Variants in ERCC6 observed in about 807,000 individuals in gnomAD.
The protein encoded by ERCC6 is ERCC excision repair 6, chromatin remodeling factor.
In ERCC6, 116 loss-of-function variants were observed where a neutral mutation model predicts 158.7. The observed-to-expected ratio is 0.73, with a 90% CI of 0.63 to 0.85. ERCC6 has a LOEUF of 0.85. ERCC6 is among the 40% of genes least tolerant of loss of function. ERCC6 has a pLI of 0.00. For synonymous variants in ERCC6, 678 were observed against 659.3 expected (o/e 1.03, Z -0.43); for missense variants, 1,698 against 1,799.4 (o/e 0.94, Z 1.02).
At chr10:49,500,321 C>T (rs1851335389) in intron 7 of ERCC6, among the ~76,000 whole-genome samples, 1 of 151,976 alleles carries the variant, frequency 6.6e-6, no homozygotes, top group South Asian at 2.1e-4. Context: ...AGCATCAATG[C>T]CTGGAATTCA....
chr10:49,448,417 C>T, the ERCC6 span, among the ~76,000 whole-genome samples: 1 of 152,064 alleles, frequency 6.6e-6, no homozygotes, highest in African/African-American at 2.4e-5. Flanking sequence ...TTATCTTGCA[C>T]CTTATGTTAA....
chr10:49,502,292 T>C (rs1851369131), intron 6 of ERCC6: 1 of 152,184 alleles, frequency 6.6e-6, no homozygotes, highest in Non-Finnish European at 1.5e-5. Flanking sequence ...GCTTATTAAG[T>C]TTGCTAATTA....
chr10:49,532,581 G>A lies in ERCC6; in HGVS notation c.384C>T (p.Asp128=), dbSNP rs146165518. 90 of 1,614,058 alleles carry A rather than the reference G, an allele frequency of 5.6e-5. No individual in the cohort carries two copies. The African/African-American group carries it at 9.1e-4, about 16-fold the overall frequency. Residue 128 remains aspartate, a synonymous_variant, in exon 2 of 21, where the codon GAC becomes GAT. Coordinates refer to ENST00000355832, the MANE Select transcript of ERCC6 (RefSeq NM_000124.4). ...GGACCGACCGATACTCCTTCTCCACGTCAACGAGCTGGGAGGCACGGCTGG... is the reference window on the plus strand; with the variant it reads ...GGACCGACCGATACTCCTTCTCCACATCAACGAGCTGGGAGGCACGGCTGG... The part of the protein sequence containing the change: ...HEASRASQLV[D]VEKEYRSVLD...
chr10:49,441,750 G>A, the ERCC6 span, among the ~76,000 whole-genome samples: 2 of 152,234 alleles, frequency 1.3e-5, no homozygotes, highest in African/African-American at 4.8e-5. Context: ...CGCCAGCCCC[G>A]CTGTGCACAG....
intron 4 of ERCC6, among the ~76,000 whole-genome samples, chr10:49,526,917 T>C (rs1331836283): frequency 6.6e-6 from 1 of 152,082 alleles, no homozygotes; most frequent in African/African-American, 2.4e-5. Flanking sequence ...GCAAAAGCCA[T>C]GGGGAATAGA....
At chr10:49,518,783 G>A (rs1837062436) in intron 5 of ERCC6, among the ~76,000 whole-genome samples, 1 of 152,186 alleles carries the variant, frequency 6.6e-6, no homozygotes, top group Non-Finnish European at 1.5e-5. Context: ...GTGCTCAGGG[G>A]AAGGACAATG....
rs1248870490 is a variant in ERCC6, at chr10:49,470,378, CTCT to C, written c.3579_3581del (p.Glu1194del). The C allele has an allele frequency of 6.2e-6, 10 of 1,614,084 alleles. No homozygotes were observed. The highest frequency in any genetic ancestry group is 1.1e-5 in the South Asian group (1 of 91,086). ...TTGGTCTCAGATGTTTCTCCAGGGT[CTCT>C]TCTTCTGCCACACTATGATGTTTTG... On this transcript the variant is annotated inframe_deletion, in exon 18 of 21. Transcript: ENST00000355832.
At chr10:49,451,142 T>A (rs1850416041), downstream of ERCC6, among the ~76,000 whole-genome samples, 1 of 149,368 alleles carries the variant, frequency 6.7e-6, no homozygotes, top group Non-Finnish European at 1.5e-5. Flanking sequence ...TGTTGTATCC[T>A]CCCATCTTGC....
intron 5 of ERCC6, chr10:49,516,040 C>A: frequency 6.2e-7 from 1 of 1,614,120 alleles, no homozygotes; most frequent in Non-Finnish European, 8.5e-7. Context: ...TCAAGAAGTG[C>A]AATACTGGTG....
downstream of ERCC6, among the ~76,000 whole-genome samples, chr10:49,451,526 A>G (rs556501197): frequency 4.6e-5 from 7 of 152,306 alleles, no homozygotes; most frequent in South Asian, 1.0e-3. Flanking sequence ...CTATTTTTGC[A>G]TCAGTAGAGA....
At chr10:49,501,255 C>T (rs1474255693) in intron 6 of ERCC6, 1 of 155,004 alleles carries the variant, frequency 6.5e-6, no homozygotes, top group East Asian at 1.9e-4. Context: ...AATAGGTCTG[C>T]TCTCAAAATT....
intron 5 of ERCC6, chr10:49,515,155 T>C: frequency 1.5e-6 from 2 of 1,308,210 alleles, no homozygotes; most frequent in South Asian, 2.3e-5. Flanking sequence ...AATTTTTGCA[T>C]GAAATTCATA....
intron 6 of ERCC6, 128 bp from the exon 7 acceptor site, chr10:49,500,824 T>C (rs1404765961): frequency 1.0e-6 from 1 of 955,142 alleles, no homozygotes; most frequent in Admixed American, 2.0e-5. Context: ...ACATGCGGGA[T>C]GTGTGTTTTA....
At chr10:49,509,044 C>T (rs1851492905) in intron 5 of ERCC6, among the ~76,000 whole-genome samples, 1 of 152,112 alleles carries the variant, frequency 6.6e-6, no homozygotes. Context: ...GGCCCAGGCA[C>T]AAAAGTCTGA....
At chr10:49,473,427 C>T in intron 14 of ERCC6, 50 bp downstream of exon 14, 7 of 1,206,690 alleles carry the variant, frequency 5.8e-6, no homozygotes, top group Non-Finnish European at 8.7e-6. Flanking sequence ...AGTCCTTTCC[C>T]TCCACGTACA....
In ERCC6 at chr10:49,470,300, A is replaced by C. The variant is rs746121111; in HGVS notation, c.3660T>G (p.Thr1220=). Residue 1220 remains threonine, a synonymous_variant, in exon 18 of 21, where the codon ACT becomes ACG. Coordinates refer to ENST00000355832, the MANE Select transcript of ERCC6 (RefSeq NM_000124.4). ...TTTTCTTCACCAGGTGTGGAATTCG[A>C]GTTCCTTCAAACTTGGCGTCTCTGC... ...KHCRDAKFEG[T]RIPHLVKKRR... The C allele has an allele frequency of 6.2e-7, 1 of 1,614,038 alleles. No homozygotes were observed. Among genetic ancestry groups the C allele is most frequent in the South Asian group, 1.1e-5 (1 of 91,072 alleles).
intron 1 of ERCC6, among the ~76,000 whole-genome samples, chr10:49,534,326 T>G (rs1442250837): frequency 1.3e-5 from 2 of 152,152 alleles, no homozygotes; most frequent in Admixed American, 6.5e-5. Flanking sequence ...CTTAGCAATA[T>G]CTATTAAATT....
intron 8 of ERCC6, among the ~76,000 whole-genome samples, chr10:49,485,195 C>G (rs1021060101): frequency 1.3e-5 from 2 of 152,176 alleles, no homozygotes; most frequent in Non-Finnish European, 2.9e-5. Flanking sequence ...CAAGGAAGGA[C>G]AGAGGGGCCA....
intron 18 of ERCC6, among the ~76,000 whole-genome samples, chr10:49,465,432 T>C (rs904532327): frequency 2.0e-5 from 3 of 152,174 alleles, no homozygotes; most frequent in Admixed American, 2.0e-4. Flanking sequence ...CTGTGGACTT[T>C]TGAGTTAATG....
Sources: gnomAD v4.1 joint callset for allele counts (sites outside exome capture counted in the v4.1 genomes callset) on GRCh38, gnomAD v4.1.1 for gene constraint, MANE v1.5 for transcripts, NCBI Gene and HGNC (gene_info 2026-07-23, HGNC 2026-07-21) for gene names.